NLRC5: variants seen among roughly 807,000 people sequenced by gnomAD.
NLRC5 encodes the protein protein NLRC5.
A neutral mutation model predicts 206.9 loss-of-function variants in NLRC5; 114 were observed. The ratio of observed to expected loss-of-function variants is 0.55; its 90% confidence interval spans 0.47 to 0.64. The LOEUF is 0.64. NLRC5 is among the 30% of genes least tolerant of loss of function. NLRC5 has a pLI of 0.00. For missense variants in NLRC5, 2,008 were observed against 2,305.5 expected (o/e 0.87, Z 2.64); for synonymous variants, 952 against 962.8 (o/e 0.99, Z 0.21).
In NLRC5 at chr16:57,009,239, C is replaced by T. The variant is rs192773121; in HGVS notation, c.-127-7835C>T. On this transcript the variant is annotated intron_variant, in intron 1 of 48. Transcript: ENST00000688547. ...CCAAGAGGTGGAGGTTGCAGTGAGC[C>T]GAGACCTTGCCATTGCTCTCCAGCC... Among the ~76,000 whole-genome samples, 307 of 149,200 alleles carry T rather than the reference C, an allele frequency of 2.1e-3. 4 individuals carry two copies. Among genetic ancestry groups the T allele is most frequent in the Non-Finnish European group, 2.1e-3 (138 of 67,236 alleles).
intron 32 of NLRC5, among the ~76,000 whole-genome samples, chr16:57,064,389 A>T (rs1459521584): frequency 6.6e-6 from 1 of 152,208 alleles, no homozygotes; most frequent in Non-Finnish European, 1.5e-5. Flanking sequence ...GAAAATATAG[A>T]AAATTAAAGA....
At chr16:57,031,252 A>T (rs1191673275) in intron 10 of NLRC5, 152 bp from the exon 11 acceptor site, 1 of 727,000 alleles carries the variant, frequency 1.4e-6, no homozygotes, top group Non-Finnish European at 2.4e-6. Context: ...GATTTAAAAC[A>T]CTTTTGCTAG....
At chr16:57,074,536 G>T (rs1471678172) in intron 38 of NLRC5, 64 bp from the exon 39 acceptor site, 2 of 1,444,588 alleles carry the variant, frequency 1.4e-6, no homozygotes, top group South Asian at 1.1e-5. Context: ...AGAGGCCTCA[G>T]ACCCCCAGAC....
At chr16:57,028,518 T>C (rs2061477046) in intron 8 of NLRC5, 133 bp downstream of exon 8, 3 of 700,754 alleles carry the variant, frequency 4.3e-6, no homozygotes, top group Non-Finnish European at 5.0e-6. Flanking sequence ...AGGGAAGGCA[T>C]CAGTCCAAGT....
At chr16:57,067,855 C>T in intron 36 of NLRC5, 27 bp downstream of exon 36, 1 of 1,569,414 alleles carries the variant, frequency 6.4e-7, no homozygotes, top group South Asian at 1.1e-5. Flanking sequence ...TTCACTCAGT[C>T]CCCTTTGCAG....
intron 23 of NLRC5, chr16:57,047,902 T>C: frequency 2.0e-6 from 1 of 497,386 alleles, no homozygotes; most frequent in South Asian, 2.7e-5. Flanking sequence ...CTGGGAGCCC[T>C]GTCCACCTCC....
chr16:57,052,012 C>T (rs985982575), intron 24 of NLRC5, among the ~76,000 whole-genome samples: 7 of 152,164 alleles, frequency 4.6e-5, no homozygotes, highest in East Asian at 1.9e-4. Flanking sequence ...TCCCCACCCA[C>T]GGAGGGTCAC....
At chr16:56,997,668 G>A (rs759933536) in intron 1 of NLRC5, among the ~76,000 whole-genome samples, 44 of 152,038 alleles carry the variant, frequency 2.9e-4, no homozygotes, top group Non-Finnish European at 5.4e-4. Context: ...CAACCTCCCA[G>A]GCTCAAGTGA....
At chr16:57,047,465 G>A (rs1011136399) in intron 22 of NLRC5, 80 bp from the exon 23 acceptor site, 2 of 1,248,206 alleles carry the variant, frequency 1.6e-6, no homozygotes, top group South Asian at 1.3e-5. Flanking sequence ...GGGATGCTGG[G>A]AGAAGGATAG....
chr16:56,992,479 AT>A (rs755481062), intron 1 of NLRC5: 98 of 143,968 alleles, frequency 6.8e-4, no homozygotes, highest in Admixed American at 8.3e-4. Flanking sequence ...ATTTTATTTT[AT>A]TTTTTTTTTT....
chr16:57,008,319 A>G (rs1438261455), intron 1 of NLRC5, among the ~76,000 whole-genome samples: 1 of 152,262 alleles, frequency 6.6e-6, no homozygotes, highest in African/African-American at 2.4e-5. Context: ...CATAACACAT[A>G]GAAAAATGTA....
chr16:56,997,147 C>T (rs1438226478), intron 1 of NLRC5, among the ~76,000 whole-genome samples: 1 of 152,184 alleles, frequency 6.6e-6, no homozygotes, highest in Non-Finnish European at 1.5e-5. Flanking sequence ...GTTGGAATTA[C>T]AGGTGTGAGC....
chr16:57,071,292 GC>G (rs1195270407), intron 38 of NLRC5, among the ~76,000 whole-genome samples: 9 of 139,526 alleles, frequency 6.5e-5, no homozygotes, highest in Admixed American at 5.9e-4. Context: ...TAATGGGGAA[GC>G]GTTGTGAGTG....
chr16:57,047,482 T>C (rs2064151132), intron 22 of NLRC5, 63 bp from the exon 23 acceptor site: 2 of 1,430,758 alleles, frequency 1.4e-6, no homozygotes, highest in Non-Finnish European at 1.9e-6. Context: ...ATAGAGCCCC[T>C]GGGGCTAGCC....
chr16:57,055,604 A>G (rs765913932), intron 27 of NLRC5, 85 bp downstream of exon 27: 3 of 1,074,138 alleles, frequency 2.8e-6, no homozygotes, highest in Non-Finnish European at 4.3e-6. Flanking sequence ...CCGTGTGTGC[A>G]CATACACTCA....
In NLRC5 at chr16:57,059,516, G is replaced by T; in HGVS notation, c.3970G>T (p.Ala1324Ser). The change falls in exon 30 of 49, where the codon GCT (alanine) becomes TCT (serine). Residue 1324 changes from alanine to serine, a missense_variant. Transcript: ENST00000688547. ...FRIHFSREDQ[A>S]GKTLRLSECS... ...GATTCACTTCTCCAGAGAGGACCAG[G>T]CTGGGAAGACACTCAGGTAATCCCT... The T allele has an allele frequency of 6.2e-7, 1 of 1,611,974 alleles. No individual in the cohort carries two copies. Among genetic ancestry groups the T allele is most frequent in the East Asian group, 2.2e-5 (1 of 44,866 alleles).
rs1379957464 is a variant in NLRC5, at chr16:57,079,056, A to G, written c.5088A>G (p.Pro1696=). Residue 1696 remains proline (P), a synonymous_variant, in exon 44 of 49, where the codon CCA becomes CCG. Coordinates refer to ENST00000688547, the MANE Select transcript of NLRC5 (RefSeq NM_001384950.1). The part of the protein sequence containing the change: ...LPQHLRVLHL[P]FSHLGPGGAL... Reference sequence around the variant, plus strand: ...CCCTCTCCTCTTTCCCCAGCCTACCATTCAGCCATCTGGGCCCAGGTGGGG... The same window carrying G: ...CCCTCTCCTCTTTCCCCAGCCTACCGTTCAGCCATCTGGGCCCAGGTGGGG... 1.9e-6 allele frequency: 3 copies of G among 1,613,882 alleles called. No individual in the cohort carries two copies. Among genetic ancestry groups the G allele is most frequent in the Non-Finnish European group, 2.5e-6 (3 of 1,179,904 alleles).
intron 14 of NLRC5, among the ~76,000 whole-genome samples, chr16:57,036,639 G>A (rs2062616212): frequency 6.6e-6 from 1 of 151,616 alleles, no homozygotes; most frequent in Admixed American, 6.6e-5. Context: ...CTGTGGTGTT[G>A]CATGGGGTGA....
At chr16:57,036,023 G>A in intron 13 of NLRC5, 77 bp from the exon 14 acceptor site, 2 of 1,365,178 alleles carry the variant, frequency 1.5e-6, no homozygotes, top group Non-Finnish European at 2.1e-6. Context: ...ACTAAAGTTA[G>A]CAAAGGAGGA....
Sources: allele counts gnomAD v4.1 joint callset (sites outside exome capture counted in the v4.1 genomes callset), GRCh38; gene constraint gnomAD v4.1.1; transcripts MANE v1.5; gene names NCBI Gene and HGNC (gene_info 2026-07-23, HGNC 2026-07-21).